SESTD1: variants seen among roughly 807,000 people sequenced by gnomAD.
SESTD1 encodes the protein SEC14 domain and spectrin repeat-containing protein 1.
A neutral mutation model predicts 101.7 loss-of-function variants in SESTD1; 43 were observed. The observed-to-expected ratio is 0.42, with a 90% CI of 0.33 to 0.55. The LOEUF (loss-of-function observed/expected upper bound fraction) is 0.55, where lower values mean the gene tolerates loss of function less well. SESTD1 is among the 20% of genes least tolerant of loss of function. The pLI is 0.07. For synonymous variants in SESTD1, 283 were observed against 286.8 expected (o/e 0.99, Z 0.13); for missense variants, 647 against 815.1 (o/e 0.79, Z 2.51).
chr2:179,199,507 G>T (rs1321477219), intron 1 of SESTD1, among the ~76,000 whole-genome samples: 1 of 152,190 alleles, frequency 6.6e-6, no homozygotes, highest in Non-Finnish European at 1.5e-5. Context: ...AATCAAAAAA[G>T]AGAATTTTAG....
chr2:179,165,460 G>A (rs1008325291), intron 5 of SESTD1, among the ~76,000 whole-genome samples: 5 of 152,146 alleles, frequency 3.3e-5, no homozygotes, highest in South Asian at 2.1e-4. Flanking sequence ...GGGATCTTCC[G>A]TGGTACCGGG....
intron 5 of SESTD1, chr2:179,162,336 T>A (rs1315872569): frequency 1.3e-5 from 2 of 152,136 alleles, no homozygotes; most frequent in South Asian, 2.1e-4. Context: ...ATTTACAAAA[T>A]CATGTAGGAA....
chr2:179,106,034 T>C lies in SESTD1; in HGVS notation c.*3865A>G, dbSNP rs1030240019. The C allele has an allele frequency of 3.3e-5, 5 of 152,220 alleles. No homozygotes were observed. The highest frequency in any genetic ancestry group is 1.9e-4 in the East Asian group (1 of 5,204). 9.4% of individuals were successfully genotyped at this position (152,220 alleles called of 1,614,324 possible). A position where few individuals can be genotyped will look rare whatever the true frequency, so the allele number is the denominator to read the frequency against. On this transcript the variant is annotated 3_prime_UTR_variant, in exon 18 of 18. Transcript: ENST00000428443. ...GTATTTGTTGCTCTATATACCAGCA[T>C]AGTATATTTTCTACTCCCAACTGAA...
rs889204421 is a variant in SESTD1, at chr2:179,213,318, C to A, written c.-25-21452G>T. 5.2e-5 allele frequency among the ~76,000 whole-genome samples: 7 copies of A among 134,734 alleles called. 2 individuals are homozygous for A. The highest frequency in any genetic ancestry group is 2.9e-4 in the Admixed American group (4 of 13,864). The allele number at this position is 134,734 out of a possible 152,430, so 88.4% of individuals were successfully genotyped here. A position where few individuals can be genotyped will look rare whatever the true frequency, so the allele number is the denominator to read the frequency against. ...GAAGACCTTAAGTGACCTGATGGAG[C>A]TGAAAACCATGGCACAAGAACTTCA... On this transcript the variant is annotated intron_variant, in intron 1 of 17. Coordinates refer to ENST00000428443, the MANE Select transcript of SESTD1 (RefSeq NM_178123.5).
intron 1 of SESTD1, among the ~76,000 whole-genome samples, chr2:179,222,144 C>G (rs1348725064): frequency 1.3e-5 from 2 of 152,126 alleles, no homozygotes; most frequent in Non-Finnish European, 2.9e-5. Context: ...TATTAGCTAT[C>G]TATCCCAAAA....
intron 10 of SESTD1, among the ~76,000 whole-genome samples, chr2:179,130,074 C>A (rs536857984): frequency 1.3e-5 from 2 of 152,176 alleles, no homozygotes; most frequent in East Asian, 3.9e-4. Flanking sequence ...TTCTTTAGGT[C>A]ATGTCTATAA....
chr2:179,246,766 A>G (rs1258167005), intron 1 of SESTD1, among the ~76,000 whole-genome samples: 3 of 152,228 alleles, frequency 2.0e-5, no homozygotes, highest in African/African-American at 7.2e-5. Flanking sequence ...TCCGACCAAT[A>G]TGGACTCAAA....
rs527260456 is a variant in SESTD1, at chr2:179,106,392, G to C, written c.*3507C>G. 2 of 152,224 alleles carry C rather than the reference G, an allele frequency of 1.3e-5. No individual in the cohort carries two copies. Among genetic ancestry groups the C allele is most frequent in the Non-Finnish European group, 2.9e-5 (2 of 68,018 alleles). The allele number at this position is 152,224 out of a possible 1,614,324, so 9.4% of individuals were successfully genotyped here. A position where few individuals can be genotyped will look rare whatever the true frequency, so the allele number is the denominator to read the frequency against. On this transcript the variant is annotated 3_prime_UTR_variant, in exon 18 of 18. Transcript: ENST00000428443. ...ACATAATAATGCCCAATCTCTATTAGCAAGTAACTTACAATGTAGTAGAGA... is the reference window on the plus strand; with the variant it reads ...ACATAATAATGCCCAATCTCTATTACCAAGTAACTTACAATGTAGTAGAGA...
rs1368248559 is a variant in SESTD1 at position 179,109,871 on chromosome 2, C to T, written c.*28G>A. ...TGTTGACAACATGCGGGATTATGAACTGCAAATCTGTAGGTAGCTGGTAGC... is the reference window on the plus strand; with the variant it reads ...TGTTGACAACATGCGGGATTATGAATTGCAAATCTGTAGGTAGCTGGTAGC... On this transcript the variant is annotated 3_prime_UTR_variant, in exon 18 of 18. Coordinates refer to ENST00000428443, the MANE Select transcript of SESTD1 (RefSeq NM_178123.5). 2 of 1,611,594 alleles carry T rather than the reference C, an allele frequency of 1.2e-6. No homozygotes were observed. The highest frequency in any genetic ancestry group is 2.2e-5 in the East Asian group (1 of 44,850).
At chr2:179,234,041 G>A (rs1191336039) in intron 1 of SESTD1, among the ~76,000 whole-genome samples, 1 of 152,194 alleles carries the variant, frequency 6.6e-6, no homozygotes, top group African/African-American at 2.4e-5. Context: ...TTAACTGGTA[G>A]AGTAAATCAG....
intron 5 of SESTD1, among the ~76,000 whole-genome samples, chr2:179,152,116 T>C (rs562934551): frequency 3.9e-5 from 6 of 152,334 alleles, no homozygotes; most frequent in African/African-American, 9.6e-5. Context: ...GTGTTAATAC[T>C]AAATGACATA....
At chr2:179,126,796 C>T (rs1157566192) in intron 10 of SESTD1, among the ~76,000 whole-genome samples, 1 of 152,080 alleles carries the variant, frequency 6.6e-6, no homozygotes, top group Non-Finnish European at 1.5e-5. Context: ...TCACTATCCT[C>T]CCAACCTGTT....
chr2:179,191,026 T>C (rs1465533039), intron 2 of SESTD1, among the ~76,000 whole-genome samples: 2 of 152,180 alleles, frequency 1.3e-5, no homozygotes, highest in Non-Finnish European at 2.9e-5. Context: ...TTTGGGTATA[T>C]ACCCAGTAAT....
intron 13 of SESTD1, among the ~76,000 whole-genome samples, chr2:179,117,912 C>T (rs2044668978): frequency 6.6e-6 from 1 of 152,114 alleles, no homozygotes; most frequent in South Asian, 2.1e-4. Flanking sequence ...CAAAAAAAAT[C>T]TCCATTGCTG....
At chr2:179,154,906 G>C (rs1421157822) in intron 5 of SESTD1, among the ~76,000 whole-genome samples, 37 of 152,048 alleles carry the variant, frequency 2.4e-4, no homozygotes, top group Non-Finnish European at 1.3e-4. Context: ...AAATTTCAAA[G>C]GAATATATAA....
At chr2:179,114,956 T>C in intron 16 of SESTD1, 109 bp downstream of exon 16, 1 of 935,814 alleles carries the variant, frequency 1.1e-6, no homozygotes, top group Non-Finnish European at 1.6e-6. Flanking sequence ...GGAACTAATA[T>C]AAATATTGAA....
At chr2:179,251,881 C>CA in intron 1 of SESTD1, among the ~76,000 whole-genome samples, 1 of 152,072 alleles carries the variant, frequency 6.6e-6, no homozygotes, top group Non-Finnish European at 1.5e-5. Flanking sequence ...TCCCAGCCTC[C>CA]AAAACTGTAA....
chr2:179,257,735 G>A (rs368236003), intron 1 of SESTD1, among the ~76,000 whole-genome samples: 8 of 152,268 alleles, frequency 5.3e-5, no homozygotes, highest in South Asian at 4.1e-4. Context: ...ACCTATTTAC[G>A]GTATGGAGTG....
At chr2:179,211,958 G>GAC (rs1456890229) in intron 1 of SESTD1, among the ~76,000 whole-genome samples, 1 of 134,030 alleles carries the variant, frequency 7.5e-6, no homozygotes, top group Non-Finnish European at 1.6e-5. Context: ...CACCACTGAA[G>GAC]AACGTATTCA....
Sources: allele counts gnomAD v4.1 joint callset (sites outside exome capture counted in the v4.1 genomes callset), GRCh38; gene constraint gnomAD v4.1.1; transcripts MANE v1.5; gene names NCBI Gene and HGNC (gene_info 2026-07-23, HGNC 2026-07-21).